Variants in NLRP5 observed in about 807,000 individuals in gnomAD.
NLRP5 encodes NLR family pyrin domain containing 5.
NLRP5 carries 93 observed loss-of-function variants against 113.1 expected under a neutral mutation model. The observed-to-expected ratio is 0.82, with a 90% CI of 0.70 to 0.98. The LOEUF is 0.98. NLRP5 is among the 50% of genes least tolerant of loss of function. NLRP5 has a pLI of 0.00. For synonymous variants in NLRP5, 751 were observed against 600.7 expected, an observed-to-expected ratio of 1.25 and a Z score of -3.66; for missense variants, 1,808 against 1,514.3, an observed-to-expected ratio of 1.19 and a Z score of -3.22.
At chr19:56,024,411 T>G (rs1335639381) in intron 6 of NLRP5, among the ~76,000 whole-genome samples, 1 of 125,046 alleles carries the variant, frequency 8.0e-6, no homozygotes, top group Non-Finnish European at 1.7e-5. Flanking sequence ...TGTACATATA[T>G]GTATATATGT....
intron 3 of NLRP5, among the ~76,000 whole-genome samples, chr19:56,013,596 G>GGTTTTCTTTTTTT (rs1555765383): frequency 3.4e-5 from 2 of 59,284 alleles, no homozygotes; most frequent in Admixed American, 2.1e-4. Context: ...GGACATTTGG[G>GGTTTTCTTTTTTT]TTTTTTTTTT....
chr19:56,045,408 GTTTT>G (rs1003538552), intron 11 of NLRP5, among the ~76,000 whole-genome samples: 1 of 151,552 alleles, frequency 6.6e-6, no homozygotes, highest in South Asian at 2.1e-4. Context: ...ATTGGAGCTA[GTTTT>G]TTTTTCTTTT....
the NLRP5 span, among the ~76,000 whole-genome samples, chr19:55,990,008 TTTACC>T: frequency 6.8e-6 from 1 of 147,210 alleles, no homozygotes; most frequent in Non-Finnish European, 1.5e-5. Context: ...ATTTTGGCTA[TTTACC>T]TTATCAGTAA....
At chr19:56,057,911 C>T (rs1984214497) in intron 13 of NLRP5, among the ~76,000 whole-genome samples, 1 of 151,826 alleles carries the variant, frequency 6.6e-6, no homozygotes, top group Non-Finnish European at 1.5e-5. Context: ...CCCATAATCC[C>T]AGCTACTCCG....
Position 56,003,853 on chromosome 19 carries a change from G to C in NLRP5, c.200G>C (p.Trp67Ser). Residue 67 changes from tryptophan to serine, a missense_variant, in exon 2 of 15, where the codon TGG becomes TCG. Trp to Ser is a radical substitution (Grantham distance 177). Coordinates refer to ENST00000390649, the MANE Select transcript of NLRP5 (RefSeq NM_153447.4). ...ACCTTTTCCAGCTACGGGCTGCAAT[G>C]GTGTCTCTATGAGCTAGACAAGGAA... is the stretch of plus-strand genomic sequence containing the variant. 1 of 1,613,944 alleles carries C rather than the reference G, an allele frequency of 6.2e-7. No homozygotes were observed. Among genetic ancestry groups the C allele is most frequent in the Non-Finnish European group, 8.5e-7 (1 of 1,179,896 alleles).
At chr19:56,047,897 G>A (rs1983786760) in intron 11 of NLRP5, among the ~76,000 whole-genome samples, 1 of 152,012 alleles carries the variant, frequency 6.6e-6, no homozygotes, top group Non-Finnish European at 1.5e-5. Flanking sequence ...TATGAATTTA[G>A]GACCTCCAGT....
rs181423486 is a variant in NLRP5, at chr19:56,005,714, A to G, written c.442+1619A>G. On this transcript the variant is annotated intron_variant, in intron 2 of 14. Coordinates refer to ENST00000390649, the MANE Select transcript of NLRP5 (RefSeq NM_153447.4). ...AGCAGCATTAGCTGCAAAACGCTTC[A>G]AGGGCTCTCTCTCCTGAGCTTGGAA... Among the ~76,000 whole-genome samples, 199 of 152,302 alleles carry G rather than the reference A, an allele frequency of 1.3e-3. 1 individual carries two copies. Among genetic ancestry groups the G allele is most frequent in the Middle Eastern group, 3.4e-3 (1 of 294 alleles).
At chr19:56,010,747 A>AAAAAAAAAAAAAAAAAAAAAAC (rs1982153716) in intron 3 of NLRP5, among the ~76,000 whole-genome samples, 1 of 115,130 alleles carries the variant, frequency 8.7e-6, no homozygotes. Flanking sequence ...TGTCTCAAAA[A>AAAAAAAAAAAAAAAAAAAAAAC]AAAAAAAAGT....
chr19:56,036,366 T>G (rs521700), intron 9 of NLRP5, among the ~76,000 whole-genome samples: 1 of 151,356 alleles, frequency 6.6e-6, no homozygotes, highest in Admixed American at 6.6e-5. Flanking sequence ...TGCGCCTGGC[T>G]GAGATTCTTT....
chr19:56,003,360 G>T (rs1981729434), intron 1 of NLRP5, among the ~76,000 whole-genome samples: 1 of 152,104 alleles, frequency 6.6e-6, no homozygotes, highest in African/African-American at 2.4e-5. Context: ...CACCATGTTG[G>T]CCAGGCTGGT....
Position 56,032,796 on chromosome 19 carries a change from C to A in NLRP5, c.2447+15C>A. 6.3e-7 allele frequency: 1 copy of A among 1,592,700 alleles called. No homozygotes were observed. The highest frequency in any genetic ancestry group is 1.1e-5 in the South Asian group (1 of 88,012). ...CAGACCCTGATGTAAGGCTGCCCGC[C>A]CCCTACGAGAGAATCCCTTCCCATG... On this transcript the variant is annotated intron_variant, in intron 8 of 14. Coordinates refer to ENST00000390649, the MANE Select transcript of NLRP5 (RefSeq NM_153447.4).
chr19:56,004,131 G>A (rs1001402910), intron 2 of NLRP5, 36 bp downstream of exon 2: 3 of 1,556,278 alleles, frequency 1.9e-6, no homozygotes, highest in Non-Finnish European at 2.6e-6. Flanking sequence ...GGGCAGGGAG[G>A]GGAGGTGATT....
At chr19:56,011,190 A>G (rs1309616672) in intron 3 of NLRP5, among the ~76,000 whole-genome samples, 2 of 151,746 alleles carry the variant, frequency 1.3e-5, no homozygotes, top group Non-Finnish European at 1.5e-5. Flanking sequence ...AATGTATGCT[A>G]CAAGATGGAT....
chr19:55,990,043 A>G, the NLRP5 span, among the ~76,000 whole-genome samples: 784 of 143,024 alleles, frequency 5.5e-3, 6 homozygotes, highest in African/African-American at 0.019. Flanking sequence ...TTTAAAGTAC[A>G]TTTAAAAGTC....
chr19:56,050,694 G>T, intron 12 of NLRP5, 106 bp downstream of exon 12: 1 of 1,090,288 alleles, frequency 9.2e-7, no homozygotes. Context: ...ACTGCTTTCA[G>T]GGTGAGCTGA....
At chr19:56,060,991 A>C (rs1484545063) in intron 14 of NLRP5, among the ~76,000 whole-genome samples, 1 of 151,044 alleles carries the variant, frequency 6.6e-6, no homozygotes, top group Non-Finnish European at 1.5e-5. Context: ...AAAAGAGGAG[A>C]TCTAGAAAGT....
At chr19:56,030,863 A>G (rs981725400) in intron 7 of NLRP5, among the ~76,000 whole-genome samples, 7 of 151,436 alleles carry the variant, frequency 4.6e-5, no homozygotes, top group African/African-American at 7.3e-5. Flanking sequence ...ACAGTTGCCC[A>G]CCACCACACC....
chr19:55,999,417 T>C (rs1270131025), upstream of NLRP5, among the ~76,000 whole-genome samples: 1 of 151,966 alleles, frequency 6.6e-6, no homozygotes, highest in Non-Finnish European at 1.5e-5. Context: ...GGTTTCACCA[T>C]GTTAGCCAGG....
chr19:56,032,721 G>A lies in NLRP5; in HGVS notation c.2387G>A (p.Arg796Gln), dbSNP rs766984450. Reference sequence around the variant, plus strand: ...CTGGGCAGCAGCATCCTGACAGAGCGGGCCATGAAGACCCTGTGTGCCAAG... The same window carrying A: ...CTGGGCAGCAGCATCCTGACAGAGCAGGCCATGAAGACCCTGTGTGCCAAG... The change falls in exon 8 of 15, where the codon CGG becomes CAG. Residue 796 changes from arginine to glutamine, a missense_variant. Coordinates refer to ENST00000390649, the MANE Select transcript of NLRP5 (RefSeq NM_153447.4). 18 of 1,613,136 alleles carry A rather than the reference G, an allele frequency of 1.1e-5. No homozygotes were observed. Among genetic ancestry groups the A allele is most frequent in the South Asian group, 4.4e-5 (4 of 90,986 alleles).
Sources: allele counts gnomAD v4.1 joint callset (sites outside exome capture counted in the v4.1 genomes callset), GRCh38; gene constraint gnomAD v4.1.1; transcripts MANE v1.5; gene names NCBI Gene and HGNC (gene_info 2026-07-23, HGNC 2026-07-21).